CLOCK: variants seen among roughly 807,000 people sequenced by gnomAD.
The protein encoded by CLOCK is clock circadian regulator.
CLOCK carries 43 observed loss-of-function variants against 118.4 expected under a neutral mutation model. That is an observed-to-expected ratio of 0.36 (90% confidence interval 0.28 to 0.47). CLOCK has a LOEUF of 0.47. CLOCK is among the 20% of genes least tolerant of loss of function. The pLI is 1.00. For missense variants in CLOCK, 846 were observed against 999.9 expected (o/e 0.85, Z 2.08); for synonymous variants, 326 against 339.2 (o/e 0.96, Z 0.43).
Position 55,434,858 on chromosome 4 carries a change from A to AT in CLOCK, c.*556dup, listed in dbSNP as rs1455919284. The AT allele has an allele frequency of 1.9e-5, 3 of 155,776 alleles. No individual in the cohort carries two copies. Among genetic ancestry groups the AT allele is most frequent in the Non-Finnish European group, 4.2e-5 (3 of 70,604 alleles). 9.6% of individuals were successfully genotyped at this position (155,776 alleles called of 1,614,324 possible). A position where few individuals can be genotyped will look rare whatever the true frequency, so the allele number is the denominator to read the frequency against. On this transcript the variant is annotated 3_prime_UTR_variant, in exon 23 of 23. Transcript: ENST00000513440. ...TCTCCTTTTATCTAGACATATACAT[A>AT]TTTTTACATCATCTGTACATAGAGA...
chr4:55,449,551 A>G (rs543437217), intron 16 of CLOCK, 55 bp from the exon 17 acceptor site: 1 of 1,400,888 alleles, frequency 7.1e-7, no homozygotes, highest in African/African-American at 1.4e-5. Flanking sequence ...TAGTTTTTAA[A>G]GATTAATCTC....
At chr4:55,522,977 A>G (rs1273426400) in intron 1 of CLOCK, among the ~76,000 whole-genome samples, 1 of 152,180 alleles carries the variant, frequency 6.6e-6, no homozygotes, top group Non-Finnish European at 1.5e-5. Context: ...GCACAGTAAC[A>G]TATAATGTGT....
chr4:55,545,093 C>A (rs1220451339), intron 1 of CLOCK, among the ~76,000 whole-genome samples: 1 of 130,382 alleles, frequency 7.7e-6, no homozygotes, highest in Admixed American at 8.7e-5. Flanking sequence ...ACTTTAAGTT[C>A]TAGGGTACAT....
At chr4:55,476,134 C>G in intron 6 of CLOCK, 80 bp from the exon 7 acceptor site, 1 of 900,092 alleles carries the variant, frequency 1.1e-6, no homozygotes, top group Non-Finnish European at 1.9e-6. Flanking sequence ...CTTGTCTCTT[C>G]CCATTCTAAT....
chr4:55,510,134 T>C (rs1321233919), intron 1 of CLOCK, 69 bp from the exon 2 acceptor site: 1 of 152,242 alleles, frequency 6.6e-6, no homozygotes, highest in Non-Finnish European at 1.5e-5. Flanking sequence ...ACTAGTATTT[T>C]TGTTTCATCG....
At chr4:55,483,763 T>TA (rs1219374232) in intron 3 of CLOCK, among the ~76,000 whole-genome samples, 5 of 152,192 alleles carry the variant, frequency 3.3e-5, no homozygotes, top group Admixed American at 6.5e-5. Flanking sequence ...CCATAAAGTT[T>TA]GAGAATACAA....
chr4:55,518,332 T>C (rs1729649129), intron 1 of CLOCK, among the ~76,000 whole-genome samples: 1 of 152,156 alleles, frequency 6.6e-6, no homozygotes, highest in African/African-American at 2.4e-5. Flanking sequence ...GGAGAATTTA[T>C]CTGACCAGTG....
At chr4:55,529,284 A>C (rs1222193913) in intron 1 of CLOCK, among the ~76,000 whole-genome samples, 2 of 152,174 alleles carry the variant, frequency 1.3e-5, no homozygotes, top group South Asian at 2.1e-4. Flanking sequence ...TCAGCCTCCC[A>C]AGTAGCTAGG....
At chr4:55,450,920 C>T (rs552536174) in intron 15 of CLOCK, among the ~76,000 whole-genome samples, 1 of 152,192 alleles carries the variant, frequency 6.6e-6, no homozygotes, top group African/African-American at 2.4e-5. Flanking sequence ...ATTGCTTAAG[C>T]CCAGGAGCTA....
At chr4:55,465,666 G>A (rs1725683049) in intron 8 of CLOCK, among the ~76,000 whole-genome samples, 1 of 152,132 alleles carries the variant, frequency 6.6e-6, no homozygotes, top group Non-Finnish European at 1.5e-5. Context: ...TAAAAATTCA[G>A]GGATGGCTGG....
intron 9 of CLOCK, among the ~76,000 whole-genome samples, chr4:55,459,968 T>A (rs1398773943): frequency 6.6e-6 from 1 of 152,170 alleles, no homozygotes; most frequent in Non-Finnish European, 1.5e-5. Flanking sequence ...GTCCTTACTA[T>A]CTACTTTTAA....
At chr4:55,542,363 AATAATAATAATAATAAT>A in intron 1 of CLOCK, among the ~76,000 whole-genome samples, 1 of 59,004 alleles carries the variant, frequency 1.7e-5, no homozygotes, top group African/African-American at 7.5e-5. Context: ...TAATAATAAT[AATAATAATAATAATAAT>A]ATTATTATTA....
At chr4:55,492,788 T>A (rs1727806252) in intron 2 of CLOCK, among the ~76,000 whole-genome samples, 2 of 152,092 alleles carry the variant, frequency 1.3e-5, no homozygotes, top group Admixed American at 6.6e-5. Context: ...GAGGTTGCAG[T>A]GAGCCGAGAT....
intron 2 of CLOCK, among the ~76,000 whole-genome samples, chr4:55,499,047 T>C (rs1479916981): frequency 6.6e-6 from 1 of 152,244 alleles, no homozygotes; most frequent in Non-Finnish European, 1.5e-5. Context: ...TTATTTCATA[T>C]AGTTTTTATT....
rs1722302293 is a variant in CLOCK at position 55,427,945 on chromosome 4, C to T, written c.*7470G>A. On this transcript the variant is annotated 3_prime_UTR_variant, in exon 23 of 23. Transcript: ENST00000513440. ...ATATTTAATAGTCTTTCTTTAAAATCCAAAATGTGATTCTTACAAGTTATG... is the reference window on the plus strand; with the variant it reads ...ATATTTAATAGTCTTTCTTTAAAATTCAAAATGTGATTCTTACAAGTTATG... The T allele has an allele frequency of 6.6e-6, 1 of 152,100 alleles. No individual in the cohort carries two copies. The highest frequency in any genetic ancestry group is 1.5e-5 in the Non-Finnish European group (1 of 68,020). 9.4% of individuals were successfully genotyped at this position (152,100 alleles called of 1,614,324 possible).
At chr4:55,537,297 A>G (rs531069032) in intron 1 of CLOCK, among the ~76,000 whole-genome samples, 1 of 152,202 alleles carries the variant, frequency 6.6e-6, no homozygotes, top group South Asian at 2.1e-4. Flanking sequence ...TGGGCAACAC[A>G]GTGACATCCT....
chr4:55,521,870 A>G (rs1230003428), intron 1 of CLOCK, among the ~76,000 whole-genome samples: 1 of 152,260 alleles, frequency 6.6e-6, no homozygotes, highest in Non-Finnish European at 1.5e-5. Context: ...TGGAAGAGCA[A>G]AAGGCTAAGA....
chr4:55,522,704 A>G (rs1394299482), intron 1 of CLOCK, among the ~76,000 whole-genome samples: 1 of 152,166 alleles, frequency 6.6e-6, no homozygotes, highest in East Asian at 1.9e-4. Flanking sequence ...TCCACCATAT[A>G]TATGTATGTA....
intron 1 of CLOCK, among the ~76,000 whole-genome samples, chr4:55,525,949 G>C (rs1244650531): frequency 6.6e-6 from 1 of 151,628 alleles, no homozygotes; most frequent in East Asian, 1.9e-4. Flanking sequence ...ACTATAGGTT[G>C]AGTATCCCTA....
Sources: allele counts gnomAD v4.1 joint callset (sites outside exome capture counted in the v4.1 genomes callset), GRCh38; gene constraint gnomAD v4.1.1; transcripts MANE v1.5; gene names NCBI Gene and HGNC (gene_info 2026-07-23, HGNC 2026-07-21).